The following FTO variants were observed in gnomAD, a reference collection of about 807,000 sequenced individuals.
FTO encodes FTO alpha-ketoglutarate dependent dioxygenase.
A neutral mutation model predicts 63.9 loss-of-function variants in FTO; 47 were observed. The ratio of observed to expected loss-of-function variants is 0.74; its 90% CI spans 0.58 to 0.94. The LOEUF is 0.94. Among genes scored for constraint, FTO ranks in the 40% least tolerant of loss-of-function variants. The pLI is 0.00. For missense variants in FTO, 562 were observed against 618.1 expected (o/e 0.91, Z 0.96); for synonymous variants, 207 against 224.4 (o/e 0.92, Z 0.69).
intron 7 of FTO, among the ~76,000 whole-genome samples, chr16:53,890,841 C>T (rs1353177055): frequency 6.6e-6 from 1 of 152,142 alleles, no homozygotes; most frequent in African/African-American, 2.4e-5. Flanking sequence ...TTTCCCCCTA[C>T]TGTGTAATTC....
chr16:53,838,481 T>C (rs1379980303), intron 3 of FTO, among the ~76,000 whole-genome samples: 7 of 152,022 alleles, frequency 4.6e-5, no homozygotes, highest in Non-Finnish European at 8.8e-5. Flanking sequence ...CGGCTAATTT[T>C]TGTATTTTTA....
At chr16:53,820,631 C>A in intron 2 of FTO, among the ~76,000 whole-genome samples, 1 of 146,280 alleles carries the variant, frequency 6.8e-6, no homozygotes, top group African/African-American at 2.5e-5. Context: ...CCTCCCCCTC[C>A]CCCCACCCCA....
chr16:53,817,681 G>C (rs2078735021), intron 2 of FTO, among the ~76,000 whole-genome samples: 1 of 151,996 alleles, frequency 6.6e-6, no homozygotes, highest in Non-Finnish European at 1.5e-5. Flanking sequence ...TGACTTCCCT[G>C]TGTGATGAAA....
intron 8 of FTO, among the ~76,000 whole-genome samples, chr16:54,091,636 G>C (rs547441177): frequency 1.3e-5 from 2 of 152,352 alleles, no homozygotes; most frequent in African/African-American, 4.8e-5. Context: ...TGGATGGATG[G>C]AGTGGAACAG....
intron 8 of FTO, among the ~76,000 whole-genome samples, chr16:53,943,320 T>G (rs927589002): frequency 6.6e-6 from 1 of 152,242 alleles, no homozygotes; most frequent in African/African-American, 2.4e-5. Context: ...AACAGTTTTA[T>G]GGGGGACAAA....
chr16:54,095,138 C>T (rs769205182), intron 8 of FTO, among the ~76,000 whole-genome samples: 10 of 152,176 alleles, frequency 6.6e-5, no homozygotes, highest in Non-Finnish European at 1.5e-4. Context: ...CTCCTAAGCT[C>T]AAGCAATCCT....
intron 4 of FTO, among the ~76,000 whole-genome samples, chr16:53,849,924 A>G (rs200386370): frequency 6.6e-6 from 1 of 152,316 alleles, no homozygotes; most frequent in African/African-American, 2.4e-5. Flanking sequence ...TATTCAAAGG[A>G]AAAAGCTTTT....
intron 8 of FTO, among the ~76,000 whole-genome samples, chr16:53,945,142 G>C (rs1017850956): frequency 2.0e-5 from 3 of 152,156 alleles, no homozygotes; most frequent in Non-Finnish European, 4.4e-5. Context: ...AAAGTGGGAG[G>C]CATCTTCCAG....
chr16:54,049,888 C>G (rs371301438), intron 8 of FTO, among the ~76,000 whole-genome samples: 1 of 152,196 alleles, frequency 6.6e-6, no homozygotes, highest in African/African-American at 2.4e-5. Context: ...TCTGCTGGCT[C>G]TCAGCGTCAA....
At chr16:53,903,440 G>T (rs1176853558) in intron 7 of FTO, among the ~76,000 whole-genome samples, 2 of 151,964 alleles carry the variant, frequency 1.3e-5, no homozygotes, top group East Asian at 3.9e-4. Context: ...TGTATTTTTA[G>T]TAGAGACAGG....
chr16:53,933,509 T>C (rs141893239), intron 7 of FTO, among the ~76,000 whole-genome samples: 277 of 152,218 alleles, frequency 1.8e-3, no homozygotes, highest in African/African-American at 6.4e-3. Context: ...CCACAAAACA[T>C]TGCTGGCATG....
At chr16:53,842,195 C>T (rs746930027) in intron 3 of FTO, among the ~76,000 whole-genome samples, 11 of 152,186 alleles carry the variant, frequency 7.2e-5, no homozygotes, top group Non-Finnish European at 1.3e-4. Flanking sequence ...GAAAAACAGA[C>T]TCTGCCCTGG....
At chr16:53,954,345 T>A (rs2082871271) in intron 8 of FTO, among the ~76,000 whole-genome samples, 1 of 152,168 alleles carries the variant, frequency 6.6e-6, no homozygotes, top group Admixed American at 6.5e-5. Context: ...CAGAACTTTT[T>A]TTTTCCCTAG....
chr16:54,030,777 T>C (rs1048593546), intron 8 of FTO, among the ~76,000 whole-genome samples: 1 of 152,132 alleles, frequency 6.6e-6, no homozygotes, highest in Admixed American at 6.5e-5. Context: ...AGTAAAACTC[T>C]AATAAAGGAT....
chr16:53,723,889 T>C (rs1024976330), intron 1 of FTO, among the ~76,000 whole-genome samples: 2 of 152,234 alleles, frequency 1.3e-5, no homozygotes, highest in African/African-American at 4.8e-5. Flanking sequence ...TCCACTGATC[T>C]GTGGAACACT....
intron 7 of FTO, among the ~76,000 whole-genome samples, chr16:53,904,399 C>A (rs982891626): frequency 6.6e-6 from 1 of 152,208 alleles, no homozygotes; most frequent in African/African-American, 2.4e-5. Context: ...TCTGTTACTG[C>A]AACTGAAGAA....
At chr16:54,009,032 G>A (rs560909381) in intron 8 of FTO, among the ~76,000 whole-genome samples, 13 of 151,696 alleles carry the variant, frequency 8.6e-5, no homozygotes, top group South Asian at 2.1e-4. Flanking sequence ...AAAAAGTCTA[G>A]CAACTTGAGT....
At chr16:54,017,521 A>G (rs899895641) in intron 8 of FTO, among the ~76,000 whole-genome samples, 1 of 152,200 alleles carries the variant, frequency 6.6e-6, no homozygotes, top group African/African-American at 2.4e-5. Flanking sequence ...AGGCGCTTCT[A>G]GGCAAATGTA....
intron 8 of FTO, among the ~76,000 whole-genome samples, chr16:54,037,662 T>C (rs1182075897): frequency 6.6e-6 from 1 of 152,230 alleles, no homozygotes; most frequent in African/African-American, 2.4e-5. Flanking sequence ...TTTATATTTA[T>C]AGTCTCTCAT....
Sources: gnomAD v4.1 joint callset for allele counts (sites outside exome capture counted in the v4.1 genomes callset) on GRCh38, gnomAD v4.1.1 for gene constraint, MANE v1.5 for transcripts, NCBI Gene and HGNC (gene_info 2026-07-23, HGNC 2026-07-21) for gene names.